The following VAT1L variants were observed in gnomAD, a reference collection of about 807,000 sequenced individuals.
The protein encoded by VAT1L is putative NADPH-dependent quinone oxidoreductase VAT1L.
A neutral mutation model predicts 44.1 loss-of-function variants in VAT1L; 34 were observed. That is an observed-to-expected ratio of 0.77 (90% confidence interval 0.59 to 1.03). The LOEUF is 1.03. VAT1L is among the 50% of genes least tolerant of loss of function. The pLI is 0.00. For missense variants in VAT1L, 615 were observed against 538.8 expected, an observed-to-expected ratio of 1.14 and a Z score of -1.40; for synonymous variants, 253 against 202.2, an observed-to-expected ratio of 1.25 and a Z score of -2.13.
At chr16:77,955,816 T>C (rs1265743202) in intron 7 of VAT1L, among the ~76,000 whole-genome samples, 2 of 150,474 alleles carry the variant, frequency 1.3e-5, no homozygotes, top group African/African-American at 4.9e-5. Context: ...AAATAAACCA[T>C]TCCTGGTCCT....
At chr16:77,853,219 G>A (rs1284052117) in intron 3 of VAT1L, among the ~76,000 whole-genome samples, 1 of 152,132 alleles carries the variant, frequency 6.6e-6, no homozygotes, top group Non-Finnish European at 1.5e-5. Flanking sequence ...TGGGGATGGG[G>A]GCTTATTTTC....
intron 7 of VAT1L, among the ~76,000 whole-genome samples, chr16:77,957,266 A>G (rs1015942373): frequency 1.3e-5 from 2 of 152,198 alleles, no homozygotes; most frequent in African/African-American, 4.8e-5. Flanking sequence ...TTCAGACATT[A>G]TGGAATGACA....
At position 77,977,784 on chromosome 16, in the gene VAT1L, C is replaced by A; in HGVS notation, c.*89C>A. The stretch of plus-strand genomic sequence containing the variant: ...TCTTCTGTGCCCCAGTGAACAAATG[C>A]TGTAGTCCAGTGCGTGTCGTGTTTG... On this transcript the variant is annotated 3_prime_UTR_variant, in exon 9 of 9. Coordinates refer to ENST00000302536, the MANE Select transcript of VAT1L (RefSeq NM_020927.3). 7.8e-7 allele frequency: 1 copy of A among 1,275,876 alleles called. No individual in the cohort carries two copies. Among genetic ancestry groups the A allele is most frequent in the Non-Finnish European group, 1.1e-6 (1 of 901,322 alleles). The allele number at this position is 1,275,876 out of a possible 1,614,324, so 79.0% of individuals were successfully genotyped here. A position where few individuals can be genotyped will look rare whatever the true frequency, so the allele number is the denominator to read the frequency against.
intron 1 of VAT1L, among the ~76,000 whole-genome samples, chr16:77,802,980 C>G (rs2016091381): frequency 6.6e-6 from 1 of 152,176 alleles, no homozygotes. Context: ...GCAATGATTT[C>G]TTTCGTGAGA....
At chr16:77,896,382 C>A (rs1403723787) in intron 7 of VAT1L, among the ~76,000 whole-genome samples, 1 of 148,722 alleles carries the variant, frequency 6.7e-6, no homozygotes, top group Non-Finnish European at 1.5e-5. Context: ...CCCTCATTGA[C>A]ATGTGCATGG....
intron 4 of VAT1L, among the ~76,000 whole-genome samples, chr16:77,872,415 G>A (rs567107351): frequency 6.6e-6 from 1 of 152,168 alleles, no homozygotes; most frequent in Admixed American, 6.5e-5. Context: ...TTGTCACCTG[G>A]CCAATTTCTG....
At chr16:77,860,258 A>G (rs1052715037) in intron 3 of VAT1L, among the ~76,000 whole-genome samples, 2 of 152,186 alleles carry the variant, frequency 1.3e-5, no homozygotes, top group African/African-American at 4.8e-5. Context: ...CAGCAGCACT[A>G]GGAAACTGAC....
chr16:77,935,241 C>T (rs764516173), intron 7 of VAT1L, among the ~76,000 whole-genome samples: 2 of 152,098 alleles, frequency 1.3e-5, no homozygotes, highest in African/African-American at 2.4e-5. Context: ...CTTCACTCAT[C>T]TGATATGATA....
At chr16:77,823,843 G>A (rs137891385) in intron 2 of VAT1L, among the ~76,000 whole-genome samples, 32 of 152,146 alleles carry the variant, frequency 2.1e-4, no homozygotes, top group Admixed American at 4.6e-4. Flanking sequence ...GTGAAACCCC[G>A]TCTCTAATAA....
chr16:77,964,205 C>T (rs1453047594), intron 7 of VAT1L, among the ~76,000 whole-genome samples: 1 of 152,128 alleles, frequency 6.6e-6, no homozygotes, highest in East Asian at 1.9e-4. Flanking sequence ...TCTCACCCAT[C>T]ACCTCCTTAA....
intron 7 of VAT1L, among the ~76,000 whole-genome samples, chr16:77,895,421 G>A (rs1456908799): frequency 6.6e-6 from 1 of 152,162 alleles, no homozygotes; most frequent in East Asian, 1.9e-4. Context: ...TCTGAGACAA[G>A]GAGAATACCC....
intron 4 of VAT1L, among the ~76,000 whole-genome samples, chr16:77,875,558 A>G (rs965868617): frequency 2.0e-5 from 3 of 152,166 alleles, no homozygotes; most frequent in African/African-American, 7.2e-5. Flanking sequence ...TATATGTTCT[A>G]AGAGTGGGAG....
chr16:77,922,546 C>A (rs1387879885), intron 7 of VAT1L, among the ~76,000 whole-genome samples: 1 of 152,036 alleles, frequency 6.6e-6, no homozygotes, highest in Non-Finnish European at 1.5e-5. Flanking sequence ...CACAGCTGGG[C>A]ATGTGATGAA....
At chr16:77,943,259 G>C (rs1330268774) in intron 7 of VAT1L, among the ~76,000 whole-genome samples, 1 of 150,622 alleles carries the variant, frequency 6.6e-6, no homozygotes, top group East Asian at 2.0e-4. Flanking sequence ...GTTTCACCAT[G>C]TTGGTCAGGC....
chr16:77,840,462 CTTG>C (rs2016692903), intron 3 of VAT1L, among the ~76,000 whole-genome samples: 1 of 152,070 alleles, frequency 6.6e-6, no homozygotes, highest in Non-Finnish European at 1.5e-5. Context: ...GCATTCCATT[CTTG>C]TTGTAAAATA....
At position 77,931,204 on chromosome 16, in the gene VAT1L, G is replaced by A. The variant is rs184341786; in HGVS notation, c.1078-40646G>A. Among the ~76,000 whole-genome samples the A allele has an allele frequency of 9.9e-5, 15 of 152,222 alleles. No individual in the cohort carries two copies. The East Asian group carries it at 2.1e-3, about 22-fold the overall frequency. On this transcript the variant is annotated intron_variant, in intron 7 of 8. Coordinates refer to ENST00000302536, the MANE Select transcript of VAT1L (RefSeq NM_020927.3). ...TTTAATAAACTTTCTTTCATTGAAC[G>A]ACGTGGGTGGGCATTAGGCAGCCTA...
intron 7 of VAT1L, among the ~76,000 whole-genome samples, chr16:77,897,012 A>ATT: frequency 6.6e-6 from 1 of 152,302 alleles, no homozygotes; most frequent in African/African-American, 2.4e-5. Context: ...GAAATTACTT[A>ATT]ATATATCTTA....
intron 3 of VAT1L, among the ~76,000 whole-genome samples, chr16:77,843,725 A>G (rs902931558): frequency 6.6e-6 from 1 of 152,150 alleles, no homozygotes; most frequent in African/African-American, 2.4e-5. Context: ...AGGCCAGTCT[A>G]CTCCCTGTCC....
chr16:77,918,346 A>C (rs1467117491), intron 7 of VAT1L, among the ~76,000 whole-genome samples: 1 of 152,202 alleles, frequency 6.6e-6, no homozygotes, highest in Non-Finnish European at 1.5e-5. Context: ...ACCAAGGTAG[A>C]AAGTTCTCCT....
Sources: allele counts gnomAD v4.1 joint callset (sites outside exome capture counted in the v4.1 genomes callset), GRCh38; gene constraint gnomAD v4.1.1; transcripts MANE v1.5; gene names NCBI Gene and HGNC (gene_info 2026-07-23, HGNC 2026-07-21).